OTUD7A: variants seen among roughly 807,000 people sequenced by gnomAD.
OTUD7A encodes OTU domain-containing protein 7A.
In OTUD7A, 12 loss-of-function variants were observed where a neutral mutation model predicts 65.7. That is an observed-to-expected ratio of 0.18 (90% CI 0.12 to 0.30). The LOEUF is 0.30. Among genes scored for constraint, OTUD7A ranks in the 10% least tolerant of loss-of-function variants. The probability of loss-of-function intolerance (pLI) is 1.00; values close to 1 mark genes in which losing one functional copy is unlikely to be tolerated. For synonymous variants in OTUD7A, 641 were observed against 586.3 expected (o/e 1.09, Z -1.35); for missense variants, 1,148 against 1,304.8 (o/e 0.88, Z 1.85).
intron 1 of OTUD7A, among the ~76,000 whole-genome samples, chr15:31,860,292 C>T (rs906176198): frequency 2.0e-5 from 3 of 152,134 alleles, no homozygotes; most frequent in Non-Finnish European, 4.4e-5. Context: ...TTGCATGCCA[C>T]TGAACTGCAA....
chr15:31,503,065 G>T (rs1483058849), intron 9 of OTUD7A, among the ~76,000 whole-genome samples: 1 of 152,194 alleles, frequency 6.6e-6, no homozygotes, highest in Non-Finnish European at 1.5e-5. Context: ...TCCCCGCTGG[G>T]GACATTGCCT....
chr15:31,514,172 A>C (rs1278725355), intron 8 of OTUD7A, among the ~76,000 whole-genome samples: 1 of 149,250 alleles, frequency 6.7e-6, no homozygotes, highest in Non-Finnish European at 1.5e-5. Context: ...TCCCATTCTG[A>C]CCTCCCAAGT....
At chr15:31,767,780 G>A in intron 1 of OTUD7A, 1 of 719,366 alleles carries the variant, frequency 1.4e-6, no homozygotes, top group Non-Finnish European at 2.5e-6. Flanking sequence ...AGTTCTACGA[G>A]ATAAGTTTTG....
intron 1 of OTUD7A, among the ~76,000 whole-genome samples, chr15:31,753,986 T>A (rs548809041): frequency 6.6e-6 from 1 of 151,898 alleles, no homozygotes; most frequent in Non-Finnish European, 1.5e-5. Flanking sequence ...CCACCAGCAG[T>A]GTAGAAGTGT....
chr15:31,644,717 G>A (rs62004133), intron 3 of OTUD7A, among the ~76,000 whole-genome samples: 2 of 152,032 alleles, frequency 1.3e-5, no homozygotes, highest in South Asian at 2.1e-4. Flanking sequence ...GTCCTCAAGC[G>A]ATCCTCCTGG....
chr15:31,816,545 AT>A (rs55651317), intron 1 of OTUD7A, among the ~76,000 whole-genome samples: 46,952 of 149,592 alleles, frequency 0.31, 7,810 homozygotes, highest in South Asian at 0.54. Context: ...AAAAAAAAAA[AT>A]AGCCTGGCAC....
chr15:31,503,908 C>T, intron 8 of OTUD7A, 90 bp from the exon 9 acceptor site: 3 of 1,471,594 alleles, frequency 2.0e-6, no homozygotes, highest in Non-Finnish European at 2.8e-6. Context: ...GGGCTGAGCC[C>T]TCCCCACTCT....
intron 3 of OTUD7A, among the ~76,000 whole-genome samples, chr15:31,646,937 A>G (rs1267358050): frequency 6.6e-6 from 1 of 152,232 alleles, no homozygotes; most frequent in Non-Finnish European, 1.5e-5. Context: ...GGTCTGTTTA[A>G]GAGTATTTAA....
intron 3 of OTUD7A, among the ~76,000 whole-genome samples, chr15:31,592,785 C>CGTGAATGG (rs1566934805): frequency 7.0e-6 from 1 of 142,302 alleles, no homozygotes; most frequent in African/African-American, 2.7e-5. Context: ...AAGGCTGAGG[C>CGTGAATGG]AGGAGAATGG....
At chr15:31,601,030 T>A (rs1439946735) in intron 3 of OTUD7A, among the ~76,000 whole-genome samples, 3 of 152,130 alleles carry the variant, frequency 2.0e-5, no homozygotes, top group Admixed American at 2.0e-4. Context: ...AACAACCCAC[T>A]GCCAATATTA....
intron 5 of OTUD7A, among the ~76,000 whole-genome samples, chr15:31,534,993 T>C (rs566037501): frequency 7.9e-5 from 12 of 152,322 alleles, no homozygotes; most frequent in Non-Finnish European, 1.6e-4. Context: ...CAATTGTATT[T>C]TGCATACTAG....
At chr15:31,625,635 G>A (rs755285703) in intron 3 of OTUD7A, among the ~76,000 whole-genome samples, 2 of 152,084 alleles carry the variant, frequency 1.3e-5, no homozygotes, top group Non-Finnish European at 2.9e-5. Context: ...ATCTACCTGG[G>A]ATCCAGAGAG....
At chr15:31,666,331 C>A (rs1331948519) in intron 1 of OTUD7A, among the ~76,000 whole-genome samples, 1 of 151,984 alleles carries the variant, frequency 6.6e-6, no homozygotes, top group Non-Finnish European at 1.5e-5. Context: ...TCTAATTCTT[C>A]CTGATTTAAG....
intron 1 of OTUD7A, among the ~76,000 whole-genome samples, chr15:31,694,902 G>A (rs1274623569): frequency 6.6e-6 from 1 of 151,566 alleles, no homozygotes; most frequent in African/African-American, 2.4e-5. Context: ...TTGGAGTGCA[G>A]TGGCGCGATC....
chr15:31,757,638 T>C (rs970435392), intron 1 of OTUD7A, among the ~76,000 whole-genome samples: 1 of 152,158 alleles, frequency 6.6e-6, no homozygotes, highest in Non-Finnish European at 1.5e-5. Context: ...TGGGCAACCC[T>C]GGCCCTAAGG....
At position 31,678,511 on chromosome 15, in the gene OTUD7A, C is replaced by T. The variant is rs191414688; in HGVS notation, c.-99-21434G>A. Among the ~76,000 whole-genome samples, 21 of 152,292 alleles carry T rather than the reference C, an allele frequency of 1.4e-4. 1 individual carries two copies. The highest frequency in any genetic ancestry group is 1.3e-4 in the Admixed American group (2 of 15,302). ...TTTGTGGGTTGGGCCCAGGGCCTTG[C>T]TGCTTTGTGCAGTCTCAGGACTTGG... On this transcript the variant is annotated intron_variant, in intron 1 of 12. Transcript: ENST00000307050.
In OTUD7A at chr15:31,843,423, C is replaced by A. The variant is rs117533609; in HGVS notation, c.-100+27084G>T. On this transcript the variant is annotated intron_variant, in intron 1 of 12. Coordinates refer to ENST00000307050, the MANE Select transcript of OTUD7A (RefSeq NM_001382637.1). ...TGGCAGTGATCCTTATTTCTTTTGACAGTGATTTTTCCACACCTATGCTAC... is the reference window on the plus strand; with the variant it reads ...TGGCAGTGATCCTTATTTCTTTTGAAAGTGATTTTTCCACACCTATGCTAC... Among the ~76,000 whole-genome samples the A allele has an allele frequency of 4.4e-3, 664 of 151,266 alleles. 1 individual carries two copies. Among genetic ancestry groups the A allele is most frequent in the South Asian group, 0.014 (67 of 4,784 alleles).
rs531313199 is a variant in OTUD7A, at chr15:31,663,246, AACAC to A, written c.-99-6173_-99-6170del. Among the ~76,000 whole-genome samples, 494 of 140,592 alleles carry A rather than the reference AACAC, an allele frequency of 3.5e-3. 3 individuals are homozygous for A. The highest frequency in any genetic ancestry group is 7.1e-3 in the Middle Eastern group (2 of 282). 92.2% of individuals were successfully genotyped at this position (140,592 alleles called of 152,430 possible). On this transcript the variant is annotated intron_variant, in intron 1 of 12. Coordinates refer to ENST00000307050, the MANE Select transcript of OTUD7A (RefSeq NM_001382637.1). Reference sequence around the variant, plus strand: ...ATGCTGGGTGTGGGGTCTTGGGCTAAACACACACACACACACACACACACACACA... The same window carrying A: ...ATGCTGGGTGTGGGGTCTTGGGCTAAACACACACACACACACACACACACA...
At chr15:31,859,346 T>C (rs1368792461) in intron 1 of OTUD7A, among the ~76,000 whole-genome samples, 1 of 152,224 alleles carries the variant, frequency 6.6e-6, no homozygotes, top group East Asian at 1.9e-4. Flanking sequence ...TAAAAACACT[T>C]CAACTCTACT....
Sources: allele counts gnomAD v4.1 joint callset (sites outside exome capture counted in the v4.1 genomes callset), GRCh38; gene constraint gnomAD v4.1.1; transcripts MANE v1.5; gene names NCBI Gene and HGNC (gene_info 2026-07-23, HGNC 2026-07-21).